The following CDH8 variants were observed in gnomAD, a reference collection of about 807,000 sequenced individuals.
The protein encoded by CDH8 is cadherin 8.
Under a neutral mutation model 68.1 loss-of-function variants are expected in CDH8, and 17 were observed. That is an observed-to-expected ratio of 0.25 (90% CI 0.17 to 0.37). The LOEUF is 0.37. CDH8 is among the 10% of genes least tolerant of loss of function. The pLI is 1.00. For missense variants in CDH8, 763 were observed against 999.3 expected (o/e 0.76, Z 3.19); for synonymous variants, 372 against 365.1 (o/e 1.02, Z -0.21).
chr16:61,884,814 T>C (rs980517480), intron 3 of CDH8, among the ~76,000 whole-genome samples: 6 of 152,188 alleles, frequency 3.9e-5, no homozygotes, highest in African/African-American at 1.4e-4. Context: ...AACAGTAGGC[T>C]ATTGGTAGTT....
chr16:61,983,387 C>T (rs1038200800), intron 2 of CDH8, among the ~76,000 whole-genome samples: 1 of 152,044 alleles, frequency 6.6e-6, no homozygotes, highest in Non-Finnish European at 1.5e-5. Flanking sequence ...TAAACAATTG[C>T]GACTTGTACC....
At chr16:61,889,939 G>T (rs1399946148) in intron 3 of CDH8, among the ~76,000 whole-genome samples, 1 of 152,050 alleles carries the variant, frequency 6.6e-6, no homozygotes, top group South Asian at 2.1e-4. Context: ...TAAGTGTTTT[G>T]ATTTTTCTTA....
At chr16:61,867,847 C>A (rs1442108656) in intron 3 of CDH8, among the ~76,000 whole-genome samples, 1 of 152,080 alleles carries the variant, frequency 6.6e-6, no homozygotes, top group Non-Finnish European at 1.5e-5. Context: ...TCTAGGGGCA[C>A]CTTTTACTTT....
intron 10 of CDH8, among the ~76,000 whole-genome samples, chr16:61,682,310 T>C (rs189538946): frequency 3.9e-5 from 6 of 152,026 alleles, no homozygotes; most frequent in Admixed American, 2.6e-4. Flanking sequence ...TATTTTAGAA[T>C]TTGAAATGAA....
intron 8 of CDH8, among the ~76,000 whole-genome samples, chr16:61,753,363 T>G (rs533078398): frequency 1.3e-5 from 2 of 152,100 alleles, no homozygotes; most frequent in Admixed American, 6.6e-5. Context: ...CCTCAGCCTC[T>G]GGTGTAGGTG....
At chr16:61,761,858 G>C (rs1049072926) in intron 8 of CDH8, among the ~76,000 whole-genome samples, 1 of 152,004 alleles carries the variant, frequency 6.6e-6, no homozygotes, top group African/African-American at 2.4e-5. Flanking sequence ...AAACTAGCTG[G>C]GTGTGGTGGC....
At chr16:61,729,242 G>C (rs902648967) in intron 8 of CDH8, among the ~76,000 whole-genome samples, 1 of 150,456 alleles carries the variant, frequency 6.6e-6, no homozygotes. Flanking sequence ...CATTTTCATA[G>C]TATAATACTG....
chr16:61,826,058 A>G (rs1168164838), intron 4 of CDH8, among the ~76,000 whole-genome samples: 1 of 151,798 alleles, frequency 6.6e-6, no homozygotes, highest in Non-Finnish European at 1.5e-5. Flanking sequence ...TTTCATAGAT[A>G]ACGCTGACAT....
At chr16:61,931,410 A>C (rs1964538031) in intron 2 of CDH8, among the ~76,000 whole-genome samples, 2 of 152,308 alleles carry the variant, frequency 1.3e-5, no homozygotes, top group Admixed American at 1.3e-4. Context: ...TCCTGGCTTC[A>C]AGTGATCCTT....
At chr16:61,721,626 T>A (rs993202883) in intron 9 of CDH8, among the ~76,000 whole-genome samples, 25 of 148,780 alleles carry the variant, frequency 1.7e-4, no homozygotes, top group Non-Finnish European at 6.0e-5. Context: ...AAGAATGTCA[T>A]TGGTCACAGG....
intron 3 of CDH8, among the ~76,000 whole-genome samples, chr16:61,891,189 A>AG (rs1490547728): frequency 6.6e-6 from 1 of 152,128 alleles, no homozygotes; most frequent in East Asian, 1.9e-4. Flanking sequence ...CAGCCCATAC[A>AG]GGGCAATAAA....
At chr16:61,943,626 G>T (rs570555452) in intron 2 of CDH8, among the ~76,000 whole-genome samples, 227 of 152,172 alleles carry the variant, frequency 1.5e-3, no homozygotes, top group African/African-American at 5.2e-3. Context: ...GACACACAAG[G>T]CATTTTATAT....
At chr16:61,679,896 C>T (rs1963981136) in intron 10 of CDH8, among the ~76,000 whole-genome samples, 1 of 151,882 alleles carries the variant, frequency 6.6e-6, no homozygotes, top group African/African-American at 2.4e-5. Flanking sequence ...GGTTAAACAA[C>T]CGAAAAGAAT....
At chr16:61,973,437 T>G (rs1470290115) in intron 2 of CDH8, among the ~76,000 whole-genome samples, 2 of 152,236 alleles carry the variant, frequency 1.3e-5, no homozygotes, top group African/African-American at 4.8e-5. Flanking sequence ...GGCACTTGTT[T>G]GCAGGAAGTC....
chr16:62,015,659 C>T (rs1901921635), intron 2 of CDH8, among the ~76,000 whole-genome samples: 2 of 152,104 alleles, frequency 1.3e-5, no homozygotes, highest in Admixed American at 6.6e-5. Context: ...TTACGACCTT[C>T]GTATGTTGAA....
intron 3 of CDH8, among the ~76,000 whole-genome samples, chr16:61,888,442 G>A (rs62051990): frequency 0.13 from 19,548 of 151,998 alleles, 1,579 homozygotes; most frequent in Middle Eastern, 0.21. Context: ...GCTTCATGAC[G>A]TATAAGGTCT....
rs545480713 is a variant in CDH8, at chr16:61,949,333, G to A, written c.253-47860C>T. Among the ~76,000 whole-genome samples the A allele has an allele frequency of 5.3e-5, 8 of 152,166 alleles. No individual in the cohort carries two copies. The South Asian group carries it at 1.7e-3, about 32-fold the overall frequency. ...CTGTGCTAGCTAAAGGATTGTAAATGCACCAATCAGCACTCTGTAAAATGG... is the reference window on the plus strand; with the variant it reads ...CTGTGCTAGCTAAAGGATTGTAAATACACCAATCAGCACTCTGTAAAATGG... On this transcript the variant is annotated intron_variant, in intron 2 of 11. Coordinates refer to ENST00000577390, the MANE Select transcript of CDH8 (RefSeq NM_001796.5).
intron 4 of CDH8, among the ~76,000 whole-genome samples, chr16:61,825,796 A>T (rs942990087): frequency 3.4e-4 from 52 of 151,920 alleles, no homozygotes; most frequent in Admixed American, 1.4e-3. Flanking sequence ...AGTAGCAAAT[A>T]GTTTAGAAAA....
At chr16:61,822,317 T>C (rs1332517741) in intron 5 of CDH8, among the ~76,000 whole-genome samples, 1 of 141,396 alleles carries the variant, frequency 7.1e-6, no homozygotes, top group Admixed American at 7.4e-5. Context: ...CGAGTTAAAC[T>C]TACAATCAAA....
Sources: allele counts gnomAD v4.1 joint callset (sites outside exome capture counted in the v4.1 genomes callset), GRCh38; gene constraint gnomAD v4.1.1; transcripts MANE v1.5; gene names NCBI Gene and HGNC (gene_info 2026-07-23, HGNC 2026-07-21).